Variants in POLN observed in about 807,000 individuals in gnomAD.
The protein encoded by POLN is DNA polymerase nu.
A neutral mutation model predicts 113.5 loss-of-function variants in POLN; 108 were observed. The observed-to-expected ratio is 0.95, with a 90% CI of 0.81 to 1.12. POLN has a LOEUF of 1.12. Among genes scored for constraint, POLN ranks in the 50% most tolerant of loss-of-function variants. The probability of loss-of-function intolerance (pLI) is 0.00; values close to 1 mark genes in which losing one functional copy is unlikely to be tolerated. For missense variants in POLN, 1,097 were observed against 1,077.1 expected (o/e 1.02, Z -0.26); for synonymous variants, 386 against 391.5 (o/e 0.99, Z 0.17).
intron 19 of POLN, among the ~76,000 whole-genome samples, chr4:2,107,909 G>C (rs560395214): frequency 3.9e-5 from 6 of 152,316 alleles, no homozygotes; most frequent in East Asian, 3.9e-4. Context: ...CTGAGGTCTT[G>C]CCATAAGCCA....
In POLN at chr4:2,240,794, G is replaced by A. The variant is rs774100769; in HGVS notation, c.-13+726C>T. The A allele has an allele frequency of 4.3e-6, 7 of 1,613,644 alleles. No homozygotes were observed. The South Asian group carries it at 6.6e-5, about 15-fold the overall frequency. On this transcript the variant is annotated intron_variant, in intron 2 of 25. Coordinates refer to ENST00000511885, the MANE Select transcript of POLN (RefSeq NM_181808.4). ...CTTCCAATTCTCTTTCAGACAACAC[G>A]TTCTGTTCATTCACATTCCCACAAA...
chr4:2,198,992 A>C (rs1330279287), intron 5 of POLN, among the ~76,000 whole-genome samples: 1 of 152,162 alleles, frequency 6.6e-6, no homozygotes, highest in Non-Finnish European at 1.5e-5. Context: ...AGGAAGCATC[A>C]TACTTTCCCT....
At chr4:2,095,677 G>C (rs564573117) in intron 20 of POLN, among the ~76,000 whole-genome samples, 174 bp downstream of exon 20, 1 of 152,308 alleles carries the variant, frequency 6.6e-6, no homozygotes, top group East Asian at 1.9e-4. Flanking sequence ...ACTCTGAGCA[G>C]GTCAAGGCAT....
chr4:2,113,794 G>A (rs1360038453), intron 19 of POLN, among the ~76,000 whole-genome samples: 1 of 151,440 alleles, frequency 6.6e-6, no homozygotes, highest in African/African-American at 2.4e-5. Flanking sequence ...GGAGGCGGAG[G>A]TTGCAGTGAG....
chr4:2,242,069 C>G lies in POLN; in HGVS notation c.-302G>C. 2.0e-6 allele frequency: 2 copies of G among 985,792 alleles called. No homozygotes were observed. Among genetic ancestry groups the G allele is most frequent in the South Asian group, 9.4e-5 (2 of 21,332 alleles). 61.1% of individuals were successfully genotyped at this position (985,792 alleles called of 1,614,324 possible). A position where few individuals can be genotyped will look rare whatever the true frequency, so the allele number is the denominator to read the frequency against. ...CAGTCACCTCAGGAAGTTCCGCTTGCTTCTCGCAGGAGCCCGCCGCCACCG... is the reference window on the plus strand; with the variant it reads ...CAGTCACCTCAGGAAGTTCCGCTTGGTTCTCGCAGGAGCCCGCCGCCACCG... On this transcript the variant is annotated 5_prime_UTR_variant, in exon 1 of 26. Transcript: ENST00000511885.
chr4:2,134,531 G>A (rs1275353284), intron 16 of POLN, among the ~76,000 whole-genome samples: 1 of 152,176 alleles, frequency 6.6e-6, no homozygotes, highest in Non-Finnish European at 1.5e-5. Flanking sequence ...TTGTTTGTTT[G>A]TTTGTTTTGC....
rs67359279 is a variant in POLN, at chr4:2,115,208, C to CTATA, written c.1982+12901_1982+12904dup. 2.4e-3 allele frequency among the ~76,000 whole-genome samples: 288 copies of CTATA among 119,250 alleles called. 1 individual carries two copies. Among genetic ancestry groups the CTATA allele is most frequent in the South Asian group, 5.1e-3 (18 of 3,502 alleles). The allele number at this position is 119,250 out of a possible 152,430, so 78.2% of individuals were successfully genotyped here. A position where few individuals can be genotyped will look rare whatever the true frequency, so the allele number is the denominator to read the frequency against. ...GGATTACAGGTGTCCACCACCACAG[C>CTATA]TATATATATATATATATATATTTTT... On this transcript the variant is annotated intron_variant, in intron 19 of 25. Coordinates refer to ENST00000511885, the MANE Select transcript of POLN (RefSeq NM_181808.4).
intron 17 of POLN, among the ~76,000 whole-genome samples, chr4:2,129,600 G>A (rs1439477629): frequency 2.6e-5 from 4 of 152,254 alleles, no homozygotes; most frequent in African/African-American, 9.6e-5. Context: ...ATGTTGCCCA[G>A]GCTGGTCTCA....
chr4:2,220,439 T>C (rs891697994), intron 3 of POLN, among the ~76,000 whole-genome samples: 1 of 152,206 alleles, frequency 6.6e-6, no homozygotes, highest in African/African-American at 2.4e-5. Flanking sequence ...TCAGTGAGTT[T>C]AGTGATACCC....
chr4:2,191,770 G>A (rs1251282511), intron 7 of POLN, among the ~76,000 whole-genome samples: 2 of 152,148 alleles, frequency 1.3e-5, no homozygotes, highest in Admixed American at 1.3e-4. Context: ...TGAATCACAT[G>A]ATGTTTGGGT....
intron 16 of POLN, among the ~76,000 whole-genome samples, chr4:2,135,416 CCA>C: frequency 6.6e-6 from 1 of 152,196 alleles, no homozygotes; most frequent in Admixed American, 6.5e-5. Context: ...TGTGCGCCAA[CCA>C]GATCTGTGAA....
chr4:2,121,000 C>T (rs1464735283), intron 19 of POLN, among the ~76,000 whole-genome samples: 1 of 152,184 alleles, frequency 6.6e-6, no homozygotes, highest in Admixed American at 6.5e-5. Flanking sequence ...ATGTCATCTG[C>T]TAAGAGGGAC....
chr4:2,075,638 G>A, intron 23 of POLN, 119 bp from the exon 24 acceptor site: 1 of 1,041,522 alleles, frequency 9.6e-7, no homozygotes, highest in Non-Finnish European at 1.5e-6. Flanking sequence ...GGGGCTCAGG[G>A]GTGCATGCAG....
intron 25 of POLN, 140 bp from the exon 26 acceptor site, chr4:2,072,439 A>G (rs1401112633): frequency 2.8e-6 from 2 of 710,418 alleles, no homozygotes; most frequent in African/African-American, 3.6e-5. Context: ...ACACGCACAC[A>G]TGTGCATACA....
In POLN at chr4:2,209,065, G is replaced by C. The variant is rs562355279; in HGVS notation, c.214-578C>G. ...ATGTAATGAGACATGTCATGGATAGGATTATGTTGCATATGTGCATAAGAG... is the reference window on the plus strand; with the variant it reads ...ATGTAATGAGACATGTCATGGATAGCATTATGTTGCATATGTGCATAAGAG... On this transcript the variant is annotated intron_variant, in intron 4 of 25. Transcript: ENST00000511885. Among the ~76,000 whole-genome samples the C allele has an allele frequency of 2.5e-3, 380 of 152,238 alleles. 1 individual carries two copies. Among genetic ancestry groups the C allele is most frequent in the African/African-American group, 8.6e-3 (358 of 41,550 alleles).
At chr4:2,173,631 C>T (rs564287942) in intron 11 of POLN, among the ~76,000 whole-genome samples, 1 of 152,194 alleles carries the variant, frequency 6.6e-6, no homozygotes, top group South Asian at 2.1e-4. Flanking sequence ...CATCTTTACA[C>T]ATCTCTGTAT....
intron 19 of POLN, among the ~76,000 whole-genome samples, chr4:2,101,610 C>A (rs2108704806): frequency 6.6e-6 from 1 of 152,352 alleles, no homozygotes; most frequent in South Asian, 2.1e-4. Context: ...GGTCCCACGT[C>A]CTTCCTAAGA....
chr4:2,099,705 G>T (rs1212944177), intron 19 of POLN, among the ~76,000 whole-genome samples: 1 of 152,040 alleles, frequency 6.6e-6, no homozygotes, highest in Non-Finnish European at 1.5e-5. Flanking sequence ...ACCAGTATTG[G>T]GTTCATTCAT....
chr4:2,173,823 G>A, intron 11 of POLN, 132 bp downstream of exon 11: 2 of 869,462 alleles, frequency 2.3e-6, no homozygotes, highest in South Asian at 3.0e-5. Context: ...GCGTCAGAAA[G>A]AGGGAGAAAC....
Sources: gnomAD v4.1 joint callset for allele counts (sites outside exome capture counted in the v4.1 genomes callset) on GRCh38, gnomAD v4.1.1 for gene constraint, MANE v1.5 for transcripts, NCBI Gene and HGNC (gene_info 2026-07-23, HGNC 2026-07-21) for gene names.